The following MGMT variants were observed in gnomAD, a reference collection of about 807,000 sequenced individuals.
MGMT encodes O-6-methylguanine-DNA methyltransferase, also known as methylated-DNA--protein-cysteine methyltransferase.
Under a neutral mutation model 15.9 loss-of-function variants are expected in MGMT, and 14 were observed. That is an observed-to-expected ratio of 0.88 (90% CI 0.58 to 1.37). The LOEUF is 1.37. MGMT is among the 40% of genes most tolerant of loss of function. The probability of loss-of-function intolerance (pLI) is 0.00; values close to 1 mark genes in which losing one functional copy is unlikely to be tolerated. For synonymous variants in MGMT, 130 were observed against 118.2 expected, an observed-to-expected ratio of 1.10 and a Z score of -0.65; for missense variants, 282 against 268.1, an observed-to-expected ratio of 1.05 and a Z score of -0.36.
At chr10:129,561,625 C>T (rs1846280124) in intron 2 of MGMT, among the ~76,000 whole-genome samples, 1 of 152,116 alleles carries the variant, frequency 6.6e-6, no homozygotes, top group African/African-American at 2.4e-5. Context: ...GGTATCCACC[C>T]TCAAGCATGT....
intron 2 of MGMT, among the ~76,000 whole-genome samples, chr10:129,580,758 C>T (rs1846543988): frequency 6.6e-6 from 1 of 152,212 alleles, no homozygotes; most frequent in African/African-American, 2.4e-5. Context: ...CATGGATGCC[C>T]CATAACCACA....
chr10:129,756,381 G>A (rs746822203), intron 3 of MGMT, among the ~76,000 whole-genome samples: 10 of 152,228 alleles, frequency 6.6e-5, no homozygotes, highest in African/African-American at 1.9e-4. Flanking sequence ...TGTGGCGTTC[G>A]GAGGCCGCGT....
chr10:129,646,224 T>G (rs1847386950), intron 2 of MGMT, among the ~76,000 whole-genome samples: 1 of 152,058 alleles, frequency 6.6e-6, no homozygotes, highest in Admixed American at 6.5e-5. Flanking sequence ...ACCTTGTGCC[T>G]TGGTAGAAGT....
intron 3 of MGMT, among the ~76,000 whole-genome samples, chr10:129,723,774 A>G (rs970499513): frequency 2.0e-5 from 3 of 152,206 alleles, no homozygotes; most frequent in Non-Finnish European, 4.4e-5. Context: ...CCCTGAGCTC[A>G]TGAGAAAGTG....
chr10:129,484,159 C>T lies in MGMT; in HGVS notation c.-13+16863C>T, dbSNP rs180955993. Among the ~76,000 whole-genome samples the T allele has an allele frequency of 2.6e-5, 4 of 152,118 alleles. No homozygotes were observed. The East Asian group carries it at 7.7e-4, about 29-fold the overall frequency. On this transcript the variant is annotated intron_variant, in intron 1 of 4. Coordinates refer to ENST00000651593, the MANE Select transcript of MGMT (RefSeq NM_002412.5). The stretch of plus-strand genomic sequence containing the variant: ...ATTAGGTGTGCTCAACCTTGTTTTA[C>T]CTCATATAGATTTTTCATCAGATTT...
At chr10:129,714,824 C>T (rs1363510224) in intron 3 of MGMT, among the ~76,000 whole-genome samples, 2 of 152,180 alleles carry the variant, frequency 1.3e-5, no homozygotes, top group Non-Finnish European at 2.9e-5. Context: ...GGGTGCTCGG[C>T]TCCTGGTCCA....
chr10:129,723,582 A>G (rs973355667), intron 3 of MGMT, among the ~76,000 whole-genome samples: 1 of 152,248 alleles, frequency 6.6e-6, no homozygotes, highest in African/African-American at 2.4e-5. Flanking sequence ...AGACTTCATT[A>G]AGTAAATGAG....
At chr10:129,640,219 T>C (rs965116105) in intron 2 of MGMT, among the ~76,000 whole-genome samples, 21 of 151,720 alleles carry the variant, frequency 1.4e-4, no homozygotes, top group Non-Finnish European at 2.9e-5. Context: ...TGCCTCAGCC[T>C]CCTGAGTAGC....
chr10:129,468,201 G>A (rs1473506587), intron 1 of MGMT, among the ~76,000 whole-genome samples: 1 of 152,200 alleles, frequency 6.6e-6, no homozygotes, highest in Non-Finnish European at 1.5e-5. Context: ...CCCTGGGCAG[G>A]TGTCTAGGAG....
chr10:129,757,373 T>C (rs1848818933), intron 3 of MGMT, among the ~76,000 whole-genome samples: 1 of 152,218 alleles, frequency 6.6e-6, no homozygotes, highest in Non-Finnish European at 1.5e-5. Context: ...TCGGAACTGC[T>C]CTGTGCTCCG....
At chr10:129,740,047 A>G (rs953000931) in intron 3 of MGMT, among the ~76,000 whole-genome samples, 1 of 152,236 alleles carries the variant, frequency 6.6e-6, no homozygotes, top group Non-Finnish European at 1.5e-5. Context: ...ACAGTCATTA[A>G]AGGGAAATCT....
intron 2 of MGMT, among the ~76,000 whole-genome samples, chr10:129,601,672 G>A (rs1248436883): frequency 1.3e-5 from 2 of 152,194 alleles, no homozygotes; most frequent in African/African-American, 2.4e-5. Flanking sequence ...TGTGGAGTAG[G>A]GAAGAAGACA....
rs141095230 is a variant in MGMT at position 129,536,277 on chromosome 10, C to T, written c.25C>T (p.Arg9Cys). ...AATGGACAAGGATTGTGAAATGAAACGCACCACACTGGACAGCCCTTTGGG... is the reference window on the plus strand; with the variant it reads ...AATGGACAAGGATTGTGAAATGAAATGCACCACACTGGACAGCCCTTTGGG... MDKDCEMK[R>C]TTLDSPLGKL... Residue 9 changes from arginine (R) to cysteine (C), a missense_variant, in exon 2 of 5, where the codon CGC becomes TGC. Coordinates refer to ENST00000651593, the MANE Select transcript of MGMT (RefSeq NM_002412.5). 5.3e-5 allele frequency: 86 copies of T among 1,613,788 alleles called. No homozygotes were observed. The highest frequency in any genetic ancestry group is 8.3e-5 in the Admixed American group (5 of 59,906).
intron 2 of MGMT, among the ~76,000 whole-genome samples, chr10:129,549,651 G>T (rs1846134079): frequency 6.6e-6 from 1 of 152,132 alleles, no homozygotes; most frequent in African/African-American, 2.4e-5. Flanking sequence ...AGCGTCATCT[G>T]TGTTTGCAAG....
intron 1 of MGMT, among the ~76,000 whole-genome samples, chr10:129,534,184 C>A (rs1845961571): frequency 6.6e-6 from 1 of 152,158 alleles, no homozygotes; most frequent in African/African-American, 2.4e-5. Flanking sequence ...GTGATTTGCA[C>A]CCCCTGCCTT....
intron 1 of MGMT, among the ~76,000 whole-genome samples, chr10:129,526,014 C>T (rs12266768): frequency 0.15 from 22,978 of 152,138 alleles, 2,644 homozygotes; most frequent in African/African-American, 0.33. Context: ...GAACCCCTTT[C>T]GGTTGTGAGA....
chr10:129,580,965 T>G (rs1408026372), intron 2 of MGMT, among the ~76,000 whole-genome samples: 1 of 152,232 alleles, frequency 6.6e-6, no homozygotes, highest in Non-Finnish European at 1.5e-5. Flanking sequence ...CTGGTCCCAC[T>G]GACATGGCAC....
chr10:129,682,724 G>A (rs928244878), intron 2 of MGMT, among the ~76,000 whole-genome samples: 2 of 152,154 alleles, frequency 1.3e-5, no homozygotes, highest in South Asian at 4.1e-4. Flanking sequence ...TCCTGGTTTT[G>A]GTAACGCATG....
chr10:129,765,095 G>A (rs1475261750), intron 4 of MGMT, among the ~76,000 whole-genome samples: 1 of 152,022 alleles, frequency 6.6e-6, no homozygotes, highest in Non-Finnish European at 1.5e-5. Context: ...CTTCTTCACG[G>A]AGCAGCCACT....
Sources: allele counts gnomAD v4.1 joint callset (sites outside exome capture counted in the v4.1 genomes callset), GRCh38; gene constraint gnomAD v4.1.1; transcripts MANE v1.5; gene names NCBI Gene and HGNC (gene_info 2026-07-23, HGNC 2026-07-21).